Variants in NUP42 observed in about 807,000 individuals in gnomAD.
The protein encoded by NUP42 is nucleoporin 42.
NUP42 carries 47 observed loss-of-function variants against 35.9 expected under a neutral mutation model. The observed-to-expected ratio is 1.31, with a 90% CI of 1.04 to 1.67. NUP42 has a LOEUF of 1.67. Among genes scored for constraint, NUP42 ranks in the 40% most tolerant of loss-of-function variants. The probability of loss-of-function intolerance (pLI) is 0.00; values close to 1 mark genes in which losing one functional copy is unlikely to be tolerated. For synonymous variants in NUP42, 173 were observed against 173.3 expected (o/e 1.00, Z 0.01); for missense variants, 514 against 492.2 (o/e 1.04, Z -0.42).
At chr7:23,184,556 T>C (rs1785525689) in intron 1 of NUP42, among the ~76,000 whole-genome samples, 1 of 151,770 alleles carries the variant, frequency 6.6e-6, no homozygotes, top group African/African-American at 2.4e-5. Flanking sequence ...AAAAATGCAA[T>C]TGGCCACTAT....
intron 3 of NUP42, chr7:23,195,573 C>A (rs1166982994): frequency 3.4e-6 from 1 of 297,564 alleles, no homozygotes. Flanking sequence ...TAAATGTAGT[C>A]AAATCTTTCT....
At position 23,185,265 on chromosome 7, in the gene NUP42, G is replaced by C. The variant is rs367922864; in HGVS notation, c.317G>C (p.Ser106Thr). The stretch of plus-strand genomic sequence containing the variant: ...TCTGAGAACCCATTTGCTTCACTTA[G>C]TCCTGATGAGCAGAAAGATGAAAAG... ...GLSENPFASL[S>T]PDEQKDEKKL... Residue 106 changes from serine (S) to threonine (T), a missense_variant, in exon 2 of 7, where the codon AGT becomes ACT. Coordinates refer to ENST00000258742, the MANE Select transcript of NUP42 (RefSeq NM_007342.3). 1.2e-6 allele frequency: 2 copies of C among 1,613,316 alleles called. No homozygotes were observed. Among genetic ancestry groups the C allele is most frequent in the South Asian group, 1.1e-5 (1 of 90,728 alleles).
At chr7:23,194,787 C>G (rs1785953639) in intron 3 of NUP42, 1 of 158,638 alleles carries the variant, frequency 6.3e-6, no homozygotes, top group South Asian at 1.6e-4. Flanking sequence ...CTCCCAAGTT[C>G]AAGCAATTCT....
intron 3 of NUP42, chr7:23,187,976 A>G (rs1180986806): frequency 8.0e-6 from 6 of 753,212 alleles, no homozygotes; most frequent in Non-Finnish European, 1.3e-5. Flanking sequence ...CATTTGCTTT[A>G]GAATATTCTC....
intron 3 of NUP42, chr7:23,195,286 T>C (rs1479129126): frequency 2.0e-5 from 3 of 152,436 alleles, no homozygotes; most frequent in African/African-American, 7.2e-5. Flanking sequence ...TTTCTGCCAG[T>C]CTGATAAGTA....
chr7:23,194,669 G>GT (rs1304488490), intron 3 of NUP42: 49 of 148,032 alleles, frequency 3.3e-4, no homozygotes, highest in South Asian at 1.5e-3. Flanking sequence ...CTGTAATCCA[G>GT]TTTTTTTTGT....
At chr7:23,199,381 G>A in intron 5 of NUP42, 77 bp from the exon 6 acceptor site, 2 of 1,220,788 alleles carry the variant, frequency 1.6e-6, no homozygotes, top group Non-Finnish European at 2.4e-6. Flanking sequence ...ACTTGAATTT[G>A]TCCATAAAGT....
Position 23,185,418 on chromosome 7 carries a change from G to C in NUP42, c.350+120G>C, listed in dbSNP as rs537012287. Reference sequence around the variant, plus strand: ...CAATACAATATTTTCTTTAAAAAAAGAAATAATGCATTATTTTTAAATCAG... The same window carrying C: ...CAATACAATATTTTCTTTAAAAAAACAAATAATGCATTATTTTTAAATCAG... On this transcript the variant is annotated intron_variant, in intron 2 of 6. Coordinates refer to ENST00000258742, the MANE Select transcript of NUP42 (RefSeq NM_007342.3). 5.8e-5 allele frequency: 41 copies of C among 710,850 alleles called. 1 individual carries two copies. The South Asian group carries it at 6.5e-4, about 11-fold the overall frequency. 44.0% of individuals were successfully genotyped at this position (710,850 alleles called of 1,614,324 possible). A position where few individuals can be genotyped will look rare whatever the true frequency, so the allele number is the denominator to read the frequency against.
At chr7:23,193,916 A>T (rs1484319835) in intron 3 of NUP42, among the ~76,000 whole-genome samples, 1 of 152,242 alleles carries the variant, frequency 6.6e-6, no homozygotes, top group Non-Finnish European at 1.5e-5. Flanking sequence ...AATCCAGCGC[A>T]GCGCCGGTGG....
Position 23,196,650 on chromosome 7 carries a change from A to G in NUP42, c.523-30A>G, listed in dbSNP as rs1487160965. 3 of 1,437,286 alleles carry G rather than the reference A, an allele frequency of 2.1e-6. No homozygotes were observed. In the Admixed American group the frequency reaches 5.2e-5, roughly 25 times the overall value. The allele number at this position is 1,437,286 out of a possible 1,614,324, so 89.0% of individuals were successfully genotyped here. A position where few individuals can be genotyped will look rare whatever the true frequency, so the allele number is the denominator to read the frequency against. On this transcript the variant is annotated intron_variant, in intron 4 of 6. Coordinates refer to ENST00000258742, the MANE Select transcript of NUP42 (RefSeq NM_007342.3). Reference sequence around the variant, plus strand: ...AAACTAACTTAAACATACAATATTGAACTGTTATTTTTCTGTCTTCCGTTT... The same window carrying G: ...AAACTAACTTAAACATACAATATTGGACTGTTATTTTTCTGTCTTCCGTTT...
At chr7:23,192,559 AAAAAG>A (rs1785834888) in intron 3 of NUP42, among the ~76,000 whole-genome samples, 1 of 151,768 alleles carries the variant, frequency 6.6e-6, no homozygotes, top group African/African-American at 2.4e-5. Flanking sequence ...AAAAAAAAAA[AAAAAG>A]AAAAAGAAAA....
Position 23,200,657 on chromosome 7 carries a change from TAGA to T in NUP42, c.1189_1191del (p.Glu397del). On this transcript the variant is annotated inframe_deletion, in exon 7 of 7. Transcript: ENST00000258742. ...TTCACACCCAGAGATAAACTAACAG[TAGA>T]AGAACTGGAACAATTTCAATCCAAG... 6.2e-7 allele frequency: 1 copy of T among 1,613,550 alleles called. No homozygotes were observed. Among genetic ancestry groups the T allele is most frequent in the East Asian group, 2.2e-5 (1 of 44,870 alleles).
chr7:23,185,886 C>T (rs1583759332), intron 2 of NUP42, among the ~76,000 whole-genome samples: 2 of 152,160 alleles, frequency 1.3e-5, no homozygotes, highest in Non-Finnish European at 2.9e-5. Flanking sequence ...ATTACAGGCT[C>T]CTGCCACCAA....
chr7:23,193,812 T>C (rs994672957), intron 3 of NUP42, among the ~76,000 whole-genome samples: 2 of 152,180 alleles, frequency 1.3e-5, no homozygotes, highest in Non-Finnish European at 2.9e-5. Flanking sequence ...CTCAGGCTGC[T>C]CAGGAGCGCA....
At chr7:23,193,824 G>A (rs1413618482) in intron 3 of NUP42, among the ~76,000 whole-genome samples, 5 of 152,236 alleles carry the variant, frequency 3.3e-5, no homozygotes, top group African/African-American at 1.2e-4. Flanking sequence ...AGGAGCGCAC[G>A]GAGGTGAGGG....
chr7:23,196,595 G>C, intron 4 of NUP42, 85 bp from the exon 5 acceptor site: 1 of 980,244 alleles, frequency 1.0e-6, no homozygotes, highest in Non-Finnish European at 1.6e-6. Context: ...TGTGATTTTG[G>C]CAAAGAAGTA....
intron 3 of NUP42, among the ~76,000 whole-genome samples, chr7:23,193,105 T>G (rs1785864265): frequency 6.6e-6 from 1 of 151,050 alleles, no homozygotes; most frequent in African/African-American, 2.4e-5. Context: ...TTCCTCCCAG[T>G]GGGTTCGTGG....
At chr7:23,182,275 C>A (rs903785057) in intron 1 of NUP42, 69 bp downstream of exon 1, 2 of 1,534,662 alleles carry the variant, frequency 1.3e-6, no homozygotes, top group Admixed American at 4.0e-5. Flanking sequence ...CCGGGCGTCC[C>A]GCGTGTTTCC....
intron 5 of NUP42, among the ~76,000 whole-genome samples, chr7:23,198,563 G>A (rs889024342): frequency 6.6e-6 from 1 of 152,162 alleles, no homozygotes; most frequent in Non-Finnish European, 1.5e-5. Flanking sequence ...TGCTTTGGAT[G>A]ATTAAGAAAG....
Sources: allele counts gnomAD v4.1 joint callset (sites outside exome capture counted in the v4.1 genomes callset), GRCh38; gene constraint gnomAD v4.1.1; transcripts MANE v1.5; gene names NCBI Gene and HGNC (gene_info 2026-07-23, HGNC 2026-07-21).